The following WASHC2C variants were observed in gnomAD, a reference collection of about 807,000 sequenced individuals.
The protein encoded by WASHC2C is Vaccinia Penetration Factor.
Under a neutral mutation model 142.2 loss-of-function variants are expected in WASHC2C, and 73 were observed. The observed-to-expected ratio is 0.51, with a 90% confidence interval of 0.43 to 0.62. The LOEUF (loss-of-function observed/expected upper bound fraction) is 0.62, where lower values mean the gene tolerates loss of function less well. WASHC2C is among the 20% of genes least tolerant of loss of function. The pLI is 0.00. For synonymous variants in WASHC2C, 337 were observed against 565.5 expected (o/e 0.60, Z 5.73); for missense variants, 969 against 1,531.7 (o/e 0.63, Z 6.13).
At position 45,788,875 on chromosome 10, in the gene WASHC2C, G is replaced by T; in HGVS notation, c.3092G>T (p.Arg1031Leu). 6.2e-7 allele frequency: 1 copy of T among 1,612,050 alleles called. No homozygotes were observed. The highest frequency in any genetic ancestry group is 8.5e-7 in the Non-Finnish European group (1 of 1,179,880). ...ADTLHSANKS[R>L]VKMRGKRRPQ... ...TATGTTTTTTTGCCGTTGCAGAGCC[G>T]TGTCAAGATGAGAGGGAAGCGTAGA... Residue 1031 changes from arginine to leucine, a missense_variant, in exon 29 of 31, where the codon CGT becomes CTT. Coordinates refer to ENST00000623400, the MANE Select transcript of WASHC2C (RefSeq NM_001330074.2).
At chr10:45,762,416 G>C (rs2055230050) in intron 17 of WASHC2C, among the ~76,000 whole-genome samples, 1 of 151,320 alleles carries the variant, frequency 6.6e-6, no homozygotes, top group Admixed American at 6.6e-5. Flanking sequence ...GGCTGGTCTT[G>C]AACTCCTGAC....
Position 45,790,506 on chromosome 10 carries a change from G to A in WASHC2C, c.3859G>A (p.Ala1287Thr), listed in dbSNP as rs1289673079. Residue 1287 changes from alanine (A) to threonine (T), a missense_variant, in exon 30 of 31, where the codon GCC (alanine) becomes ACC (threonine). Ala to Thr is a moderately conservative substitution (Grantham distance 58). Transcript: ENST00000623400. The part of the protein sequence containing the change: ...PKEKSKKKVE[A>T]KSIFDDDMDD... ...AGAAAAGTCCAAAAAGAAAGTGGAA[G>A]CCAAGTCTATATTTGATGATGATAT... 52,630 of 1,611,150 alleles carry A rather than the reference G, an allele frequency of 0.033. 907 individuals are homozygous for A. Among genetic ancestry groups the A allele is most frequent in the East Asian group, 0.08 (3,590 of 44,856 alleles).
At chr10:45,769,678 C>G in intron 20 of WASHC2C, 60 bp downstream of exon 20, 1 of 1,610,872 alleles carries the variant, frequency 6.2e-7, no homozygotes, top group South Asian at 1.1e-5. Context: ...GAAAAGGAAT[C>G]TGATGCACAA....
intron 23 of WASHC2C, among the ~76,000 whole-genome samples, chr10:45,784,269 T>TATATATATATATATATATACAC (rs1564819641): frequency 1.5e-4 from 2 of 13,474 alleles, no homozygotes; most frequent in African/African-American, 4.2e-4. Flanking sequence ...TATATATATA[T>TATATATATATATATATATACAC]ATATATATAT....
rs1336272972 is a variant in WASHC2C, at chr10:45,788,911, G to C, written c.3128G>C (p.Arg1043Pro). Reference protein sequence around the residue: ...KMRGKRRPQTRAARRLAAQES... With the variant: ...KMRGKRRPQTPAARRLAAQES... Reference sequence around the variant, plus strand: ...AGAGGGAAGCGTAGACCGCAGACCCGTGCAGCTAGGCGGCTGGCTGCTCAG... The same window carrying C: ...AGAGGGAAGCGTAGACCGCAGACCCCTGCAGCTAGGCGGCTGGCTGCTCAG... The change falls in exon 29 of 31, where the codon CGT becomes CCT. Residue 1043 changes from arginine to proline, a missense_variant. By Grantham distance (103) the Arg-to-Pro change is moderately radical. Coordinates refer to ENST00000623400, the MANE Select transcript of WASHC2C (RefSeq NM_001330074.2). 1.9e-6 allele frequency: 3 copies of C among 1,612,046 alleles called. No homozygotes were observed. Among genetic ancestry groups the C allele is most frequent in the South Asian group, 2.2e-5 (2 of 90,992 alleles).
At position 45,789,079 on chromosome 10, in the gene WASHC2C, C is replaced by T; in HGVS notation, c.3296C>T (p.Ala1099Val). Residue 1099 changes from alanine to valine, a missense_variant, in exon 29 of 31, where the codon GCC (alanine) becomes GTC (valine). Coordinates refer to ENST00000623400, the MANE Select transcript of WASHC2C (RefSeq NM_001330074.2). ...EDSTEEALAA[A>V]AAPWEGGPVP... Reference sequence around the variant, plus strand: ...AGCACTGAGGAGGCCCTGGCAGCTGCCGCTGCACCTTGGGAAGGTGGTCCT... The same window carrying T: ...AGCACTGAGGAGGCCCTGGCAGCTGTCGCTGCACCTTGGGAAGGTGGTCCT... The T allele has an allele frequency of 6.2e-7, 1 of 1,612,074 alleles. No individual in the cohort carries two copies. The highest frequency in any genetic ancestry group is 2.2e-5 in the East Asian group (1 of 44,880).
intron 14 of WASHC2C, 33 bp downstream of exon 14, chr10:45,754,578 A>G: frequency 6.5e-7 from 1 of 1,527,378 alleles, no homozygotes; most frequent in Non-Finnish European, 8.9e-7. Context: ...TCTAAAAACT[A>G]CACAAATACT....
chr10:45,768,450 T>C lies in WASHC2C; in HGVS notation c.1870-999T>C, dbSNP rs1391361809. On this transcript the variant is annotated intron_variant, in intron 19 of 30. Transcript: ENST00000623400. The stretch of plus-strand genomic sequence containing the variant: ...GAAATCACCCAGGCACCCTGTGAAA[T>C]GCAGGTTCTGATTCAGAAAATAGGG... Among the ~76,000 whole-genome samples the C allele has an allele frequency of 7.9e-5, 12 of 152,218 alleles. No individual in the cohort carries two copies. The South Asian group carries it at 1.2e-3, about 16-fold the overall frequency.
chr10:45,727,917 C>CGGG (rs1366166879), intron 2 of WASHC2C, among the ~76,000 whole-genome samples: 6 of 152,202 alleles, frequency 3.9e-5, no homozygotes, highest in African/African-American at 1.4e-4. Flanking sequence ...TTCTTCAAAT[C>CGGG]GGGGGCCCAA....
chr10:45,750,071 C>G lies in WASHC2C; in HGVS notation c.733-25C>G, dbSNP rs1423209345. The G allele has an allele frequency of 1.9e-5, 30 of 1,579,188 alleles. No individual in the cohort carries two copies. In the African/African-American group the frequency reaches 4.0e-4, roughly 21 times the overall value. ...TTCTTTAGCTTAATAACTAGTAGTT[C>G]TAATTTGGTATTTTATACTCTTAGC... On this transcript the variant is annotated intron_variant, in intron 8 of 30. Transcript: ENST00000623400.
chr10:45,741,630 C>T (rs2052059141), intron 5 of WASHC2C, among the ~76,000 whole-genome samples: 1 of 152,152 alleles, frequency 6.6e-6, no homozygotes, highest in Admixed American at 6.5e-5. Flanking sequence ...CCTTCCCAAT[C>T]TTTCTGTTGT....
chr10:45,763,404 A>G lies in WASHC2C; in HGVS notation c.1652A>G (p.Gln551Arg). 1 of 944,660 alleles carries G rather than the reference A, an allele frequency of 1.1e-6. No homozygotes were observed. The highest frequency in any genetic ancestry group is 1.6e-6 in the Non-Finnish European group (1 of 624,744). The allele number at this position is 944,660 out of a possible 1,614,324, so 58.5% of individuals were successfully genotyped here. Residue 551 changes from glutamine to arginine, a missense_variant, in exon 18 of 31, where the codon CAA becomes CGA. Coordinates refer to ENST00000623400, the MANE Select transcript of WASHC2C (RefSeq NM_001330074.2). ...ATCCAACAGGATTTGTTTTCTTCTC[A>G]AAGTGCGAGTAACTTAAAAGGTGCA... ...EEDSEDLFSS[Q>R]SASNLKGASL...
chr10:45,731,238 C>T (rs1199972020), intron 3 of WASHC2C, among the ~76,000 whole-genome samples: 1 of 145,802 alleles, frequency 6.9e-6, no homozygotes, highest in African/African-American at 2.6e-5. Context: ...TTTTTTCTTC[C>T]GAGACAGAGT....
rs1305333868 is a variant in WASHC2C, at chr10:45,784,293, C to CACACACATATAT, written c.2479-271_2479-270insCACACATATATA. Among the ~76,000 whole-genome samples the CACACACATATAT allele has an allele frequency of 1.4e-3, 89 of 63,642 alleles. 3 individuals are homozygous for CACACACATATAT. The highest frequency in any genetic ancestry group is 8.3e-3 in the East Asian group (14 of 1,686). 41.8% of individuals were successfully genotyped at this position (63,642 alleles called of 152,430 possible). A position where few individuals can be genotyped will look rare whatever the true frequency, so the allele number is the denominator to read the frequency against. On this transcript the variant is annotated intron_variant, in intron 23 of 30. Transcript: ENST00000623400. ...ATATATATATATATATATATATACACATATATATATATATATATACACACA... is the reference window on the plus strand; with the variant it reads ...ATATATATATATATATATATATACACACACACATATATATATATATATATATATATACACACA...
In WASHC2C at chr10:45,752,574, T is replaced by C. The variant is rs1554875208; in HGVS notation, c.1004-14T>C. 1.3e-6 allele frequency: 2 copies of C among 1,597,182 alleles called. No homozygotes were observed. The highest frequency in any genetic ancestry group is 1.7e-6 in the Non-Finnish European group (2 of 1,167,544). On this transcript the variant is annotated splice_polypyrimidine_tract_variant and intron_variant, in intron 11 of 30. Transcript: ENST00000623400. ...TTTAATACTCCCTGCAAAACATTGC[T>C]TTCTGTTTGCTAGATGAAGAGGATA...
intron 5 of WASHC2C, among the ~76,000 whole-genome samples, chr10:45,741,046 C>T (rs1268743274): frequency 6.6e-6 from 1 of 151,740 alleles, no homozygotes; most frequent in Non-Finnish European, 1.5e-5. Flanking sequence ...CTCCCAGGTT[C>T]AAGCGATTCT....
chr10:45,741,798 ATTTT>A (rs544788263), intron 5 of WASHC2C, among the ~76,000 whole-genome samples: 2 of 125,886 alleles, frequency 1.6e-5, no homozygotes, highest in Non-Finnish European at 3.4e-5. Flanking sequence ...TCTTGACCCT[ATTTT>A]TTTTTTTTTT....
chr10:45,769,116 G>T (rs2056289613), intron 19 of WASHC2C, among the ~76,000 whole-genome samples: 1 of 151,986 alleles, frequency 6.6e-6, no homozygotes, highest in Non-Finnish European at 1.5e-5. Context: ...ATTGCCATTG[G>T]AGTTTTTTTT....
rs782409380 is a variant in WASHC2C, at chr10:45,728,963, T to G, written c.228T>G (p.Asp76Glu). 6.2e-7 allele frequency: 1 copy of G among 1,613,862 alleles called. No individual in the cohort carries two copies. Among genetic ancestry groups the G allele is most frequent in the Non-Finnish European group, 8.5e-7 (1 of 1,179,870 alleles). The change falls in exon 3 of 31, where the codon GAT (aspartate) becomes GAG (glutamate). Residue 76 changes from aspartate to glutamate, a missense_variant. Coordinates refer to ENST00000623400, the MANE Select transcript of WASHC2C (RefSeq NM_001330074.2). ...DGLIRETKAT[D>E]CRLHNVFNDF... ...TAATCCGGGAAACCAAAGCCACAGA[T>G]TGTCGCCTGCATAATGTCTTCAATG...
Sources: allele counts gnomAD v4.1 joint callset (sites outside exome capture counted in the v4.1 genomes callset), GRCh38; gene constraint gnomAD v4.1.1; transcripts MANE v1.5; gene names NCBI Gene and HGNC (gene_info 2026-07-23, HGNC 2026-07-21).